Variants in DLG2 observed in about 807,000 individuals in gnomAD.
The protein encoded by DLG2 is discs large MAGUK scaffold protein 2, also known as disks large homolog 2.
A neutral mutation model predicts 132.5 loss-of-function variants in DLG2; 45 were observed. The ratio of observed to expected loss-of-function variants is 0.34; its 90% CI spans 0.27 to 0.44. The LOEUF is 0.44. Ranked by LOEUF, DLG2 falls within the 20% of genes least tolerant of loss-of-function variation. DLG2 has a pLI of 1.00. For missense variants in DLG2, 1,045 were observed against 1,196.9 expected (o/e 0.87, Z 1.87); for synonymous variants, 424 against 419.6 (o/e 1.01, Z -0.13).
At chr11:84,443,035 T>TAG (rs779022551) in intron 7 of DLG2, among the ~76,000 whole-genome samples, 46 of 152,164 alleles carry the variant, frequency 3.0e-4, no homozygotes, top group Non-Finnish European at 5.3e-4. Flanking sequence ...TACCCAGTTA[T>TAG]AGATAAGTGT....
intron 3 of DLG2, among the ~76,000 whole-genome samples, chr11:85,463,150 G>C (rs1053668184): frequency 1.5e-4 from 23 of 152,180 alleles, no homozygotes; most frequent in Non-Finnish European, 7.3e-5. Context: ...AGCCCTAACA[G>C]ACTAATATAT....
At chr11:83,770,051 C>A (rs1300783156) in intron 18 of DLG2, among the ~76,000 whole-genome samples, 1 of 152,116 alleles carries the variant, frequency 6.6e-6, no homozygotes, top group East Asian at 1.9e-4. Flanking sequence ...CCTTTTAAAA[C>A]CTCTTAATAA....
intron 3 of DLG2, among the ~76,000 whole-genome samples, chr11:85,324,783 T>A (rs190222507): frequency 1.3e-5 from 2 of 151,998 alleles, no homozygotes; most frequent in African/African-American, 2.4e-5. Context: ...GATGGCCGAA[T>A]AGGAACAGCT....
Position 84,249,293 on chromosome 11 carries a change from G to A in DLG2, c.573+1945C>T, listed in dbSNP as rs138356516. Reference sequence around the variant, plus strand: ...AATGGATCCCTGTCCTGAATATATTGAAGCTTCTGTGACAAGTTATCTCTC... The same window carrying A: ...AATGGATCCCTGTCCTGAATATATTAAAGCTTCTGTGACAAGTTATCTCTC... On this transcript the variant is annotated intron_variant, in intron 8 of 27. Coordinates refer to ENST00000376104, the MANE Select transcript of DLG2 (RefSeq NM_001142699.3). 1.1e-4 allele frequency among the ~76,000 whole-genome samples: 17 copies of A among 152,298 alleles called. No homozygotes were observed. In the East Asian group the frequency reaches 3.3e-3, roughly 29 times the overall value.
chr11:85,517,766 C>T (rs2094197909), intron 3 of DLG2, among the ~76,000 whole-genome samples: 2 of 152,214 alleles, frequency 1.3e-5, no homozygotes, highest in South Asian at 2.1e-4. Flanking sequence ...TACCTGGTGA[C>T]ATGGCTTGGC....
chr11:84,063,022 G>A (rs777981968), intron 10 of DLG2, among the ~76,000 whole-genome samples: 3 of 152,118 alleles, frequency 2.0e-5, no homozygotes, highest in Non-Finnish European at 4.4e-5. Context: ...AGTAACAAAT[G>A]CAGGCTTTAT....
intron 7 of DLG2, among the ~76,000 whole-genome samples, chr11:84,420,093 CA>C (rs1046284303): frequency 6.6e-6 from 1 of 152,136 alleles, no homozygotes; most frequent in African/African-American, 2.4e-5. Context: ...ACAGAATAAA[CA>C]GAAACAGGAG....
intron 15 of DLG2, among the ~76,000 whole-genome samples, chr11:83,890,700 A>G (rs1242845833): frequency 6.6e-6 from 1 of 152,220 alleles, no homozygotes; most frequent in Non-Finnish European, 1.5e-5. Context: ...TGTATGTAAA[A>G]AAAGTTGCAA....
chr11:84,942,487 G>C (rs2049578076), intron 6 of DLG2, among the ~76,000 whole-genome samples: 1 of 152,080 alleles, frequency 6.6e-6, no homozygotes, highest in South Asian at 2.1e-4. Context: ...GCACATTCAA[G>C]AGCATATTAT....
At chr11:85,416,201 T>C (rs987741033) in intron 3 of DLG2, among the ~76,000 whole-genome samples, 5 of 151,106 alleles carry the variant, frequency 3.3e-5, no homozygotes, top group African/African-American at 1.2e-4. Flanking sequence ...ACATTATTTC[T>C]GAGGCTTCTG....
At chr11:84,490,751 C>A (rs2099162860) in intron 7 of DLG2, among the ~76,000 whole-genome samples, 1 of 151,442 alleles carries the variant, frequency 6.6e-6, no homozygotes, top group Non-Finnish European at 1.5e-5. Context: ...ACATATGAAC[C>A]TATGAGTACA....
intron 18 of DLG2, among the ~76,000 whole-genome samples, chr11:83,746,583 G>A (rs564072056): frequency 1.3e-5 from 2 of 151,732 alleles, no homozygotes; most frequent in Non-Finnish European, 1.5e-5. Context: ...GTTGTGGGGT[G>A]GGGGGAGCGG....
intron 9 of DLG2, among the ~76,000 whole-genome samples, chr11:84,109,806 G>A (rs577169475): frequency 6.6e-6 from 1 of 152,152 alleles, no homozygotes; most frequent in South Asian, 2.1e-4. Flanking sequence ...TATTTAGACT[G>A]GTTTGTGTAT....
intron 7 of DLG2, among the ~76,000 whole-genome samples, chr11:84,480,841 C>T (rs550307109): frequency 2.7e-5 from 4 of 150,288 alleles, no homozygotes; most frequent in East Asian, 2.0e-4. Context: ...CGGGTTCAAG[C>T]GATTCTCCTG....
intron 7 of DLG2, among the ~76,000 whole-genome samples, chr11:84,523,769 G>C (rs894821771): frequency 1.3e-5 from 2 of 152,136 alleles, no homozygotes; most frequent in African/African-American, 2.4e-5. Flanking sequence ...AAAAATTTCT[G>C]TGTAACTGGG....
chr11:85,161,738 C>A (rs2078044907), intron 4 of DLG2, among the ~76,000 whole-genome samples: 1 of 152,192 alleles, frequency 6.6e-6, no homozygotes, highest in Non-Finnish European at 1.5e-5. Flanking sequence ...CCTGAAACAG[C>A]TGGATTGACA....
At chr11:84,034,010 G>A (rs1352097831) in intron 11 of DLG2, among the ~76,000 whole-genome samples, 2 of 152,198 alleles carry the variant, frequency 1.3e-5, no homozygotes, top group African/African-American at 4.8e-5. Flanking sequence ...GAACCCAGGA[G>A]GCGGAGGTTG....
intron 18 of DLG2, among the ~76,000 whole-genome samples, chr11:83,702,514 T>G (rs1195491607): frequency 2.0e-5 from 3 of 152,172 alleles, no homozygotes; most frequent in Non-Finnish European, 4.4e-5. Context: ...AGTAGGTGAT[T>G]TACATGGCAG....
intron 3 of DLG2, among the ~76,000 whole-genome samples, chr11:85,370,741 AG>A (rs2084911843): frequency 6.6e-6 from 1 of 152,170 alleles, no homozygotes; most frequent in South Asian, 2.1e-4. Context: ...TGGCTTTTTG[AG>A]TACTTCAGAG....
Sources: gnomAD v4.1 joint callset for allele counts (sites outside exome capture counted in the v4.1 genomes callset) on GRCh38, gnomAD v4.1.1 for gene constraint, MANE v1.5 for transcripts, NCBI Gene and HGNC (gene_info 2026-07-23, HGNC 2026-07-21) for gene names.